BLK: variants seen among roughly 807,000 people sequenced by gnomAD.
BLK encodes BLK proto-oncogene, Src family tyrosine kinase, also known as tyrosine-protein kinase Blk.
In BLK, 64 loss-of-function variants were observed where a neutral mutation model predicts 61.8. The ratio of observed to expected loss-of-function variants is 1.03; its 90% CI spans 0.85 to 1.27. BLK has a LOEUF of 1.27. BLK is among the 50% of genes most tolerant of loss of function. The pLI, the probability that BLK is intolerant of heterozygous loss-of-function variation, is 0.00. For synonymous variants in BLK, 351 were observed against 272.0 expected (o/e 1.29, Z -2.86); for missense variants, 853 against 660.5 (o/e 1.29, Z -3.19).
chr8:11,503,770 C>T (rs1198157851), intron 1 of BLK, among the ~76,000 whole-genome samples: 1 of 152,118 alleles, frequency 6.6e-6, no homozygotes, highest in Non-Finnish European at 1.5e-5. Context: ...TCTTTCTTGC[C>T]TGGGCCTCAC....
intron 1 of BLK, among the ~76,000 whole-genome samples, chr8:11,500,335 A>C (rs920802220): frequency 2.6e-5 from 4 of 152,060 alleles, no homozygotes; most frequent in Admixed American, 2.6e-4. Context: ...CTAGGACTAC[A>C]GGTGTGCACC....
intron 1 of BLK, among the ~76,000 whole-genome samples, chr8:11,539,057 C>T: frequency 6.6e-6 from 1 of 151,976 alleles, no homozygotes; most frequent in East Asian, 1.9e-4. Flanking sequence ...GCACACACAC[C>T]GTTTTTTAAG....
chr8:11,545,966 G>C, intron 2 of BLK, 86 bp from the exon 3 acceptor site: 2 of 1,420,058 alleles, frequency 1.4e-6, no homozygotes, highest in Non-Finnish European at 2.0e-6. Flanking sequence ...GAGATACCCT[G>C]GCTGCCCGGC....
At chr8:11,499,616 G>C (rs28374288) in intron 1 of BLK, among the ~76,000 whole-genome samples, 4,547 of 152,204 alleles carry the variant, frequency 0.03, 124 homozygotes, top group African/African-American at 0.073. Context: ...TAAGCTGTTC[G>C]CATTCCACCC....
At chr8:11,559,762 G>A (rs1042131537) in intron 10 of BLK, 4 of 456,074 alleles carry the variant, frequency 8.8e-6, no homozygotes, top group African/African-American at 8.0e-5. Flanking sequence ...CCTCTGCCCA[G>A]GAAGCCTTGA....
chr8:11,526,492 G>T (rs958814654), intron 1 of BLK, among the ~76,000 whole-genome samples: 1 of 152,210 alleles, frequency 6.6e-6, no homozygotes, highest in African/African-American at 2.4e-5. Flanking sequence ...GCCAAGGCGG[G>T]TGGGTCACCT....
At position 11,543,363 on chromosome 8, in the gene BLK, C is replaced by T. The variant is rs1000470234; in HGVS notation, c.123+16C>T. On this transcript the variant is annotated intron_variant, in intron 2 of 12. Coordinates refer to ENST00000259089, the MANE Select transcript of BLK (RefSeq NM_001715.3). The stretch of plus-strand genomic sequence containing the variant: ...GCCGCCCCTGGTGAGTGATTGCCCA[C>T]CCCCACCAAGAGCAGATTACTTACT... 8.7e-6 allele frequency: 14 copies of T among 1,612,018 alleles called. No individual in the cohort carries two copies. Among genetic ancestry groups the T allele is most frequent in the Non-Finnish European group, 1.0e-5 (12 of 1,179,942 alleles).
At chr8:11,561,106 C>T (rs564839316) in intron 10 of BLK, 196 bp from the exon 11 acceptor site, 97 of 771,132 alleles carry the variant, frequency 1.3e-4, no homozygotes, top group African/African-American at 1.2e-3. Context: ...CTGATGCCCA[C>T]GTTGCTGCGT....
At chr8:11,556,577 C>T (rs1287333968) in intron 8 of BLK, 81 bp from the exon 9 acceptor site, 4 of 1,576,518 alleles carry the variant, frequency 2.5e-6, no homozygotes, top group Non-Finnish European at 3.5e-6. Flanking sequence ...CACCTGGGCA[C>T]TTACCCCGAT....
At chr8:11,498,788 A>G (rs1340820562) in intron 1 of BLK, among the ~76,000 whole-genome samples, 1 of 152,230 alleles carries the variant, frequency 6.6e-6, no homozygotes. Flanking sequence ...TTCATTGATA[A>G]TAGCACATCA....
At chr8:11,529,938 G>T (rs981664777) in intron 1 of BLK, among the ~76,000 whole-genome samples, 2 of 152,148 alleles carry the variant, frequency 1.3e-5, no homozygotes, top group Non-Finnish European at 2.9e-5. Flanking sequence ...AACCAAATAT[G>T]GGGTCATCAG....
chr8:11,525,654 A>T (rs1394909597), intron 1 of BLK, among the ~76,000 whole-genome samples: 2 of 152,244 alleles, frequency 1.3e-5, no homozygotes, highest in Non-Finnish European at 2.9e-5. Context: ...AACAGTCAGA[A>T]AAGGTATAAA....
At chr8:11,518,079 G>T (rs1262686304) in intron 1 of BLK, among the ~76,000 whole-genome samples, 1 of 152,196 alleles carries the variant, frequency 6.6e-6, no homozygotes, top group Admixed American at 6.5e-5. Flanking sequence ...AACCGAGGCT[G>T]GGAGGGGCGA....
intron 10 of BLK, 93 bp from the exon 11 acceptor site, chr8:11,561,209 C>T: frequency 6.6e-7 from 1 of 1,515,178 alleles, no homozygotes; most frequent in Non-Finnish European, 9.0e-7. Flanking sequence ...CCTTCCCCAG[C>T]AGCCCACAGG....
At chr8:11,533,972 T>A (rs548982569) in intron 1 of BLK, among the ~76,000 whole-genome samples, 1 of 152,228 alleles carries the variant, frequency 6.6e-6, no homozygotes, top group African/African-American at 2.4e-5. Context: ...TTTCAATCCT[T>A]GTCACAAGTC....
At position 11,563,938 on chromosome 8, in the gene BLK, C is replaced by T. The variant is rs748156361; in HGVS notation, c.1348C>T (p.Arg450Cys). 1.9e-6 allele frequency: 3 copies of T among 1,607,876 alleles called. No individual in the cohort carries two copies. Among genetic ancestry groups the T allele is most frequent in the African/African-American group, 2.7e-5 (2 of 74,898 alleles). ...CCCCGAGGTCATCCGCAACCTGGAGCGCGGCTACCGCATGCCGCGCCCCGA... is the reference window on the plus strand; with the variant it reads ...CCCCGAGGTCATCCGCAACCTGGAGTGCGGCTACCGCATGCCGCGCCCCGA... Reference protein sequence around the residue: ...SNPEVIRNLERGYRMPRPDTC... With the variant: ...SNPEVIRNLECGYRMPRPDTC... Residue 450 changes from arginine to cysteine, a missense_variant, in exon 13 of 13, where the codon CGC (arginine) becomes TGC (cysteine). Transcript: ENST00000259089.
At position 11,543,293 on chromosome 8, in the gene BLK, G is replaced by A. The variant is rs758680472; in HGVS notation, c.69G>A (p.Trp23Ter). 3.1e-6 allele frequency: 5 copies of A among 1,613,850 alleles called. No homozygotes were observed. The highest frequency in any genetic ancestry group is 1.7e-5 in the Admixed American group (1 of 60,016). The change falls in exon 2 of 13, where the codon TGG becomes TGA. Residue 23 changes from tryptophan to a stop codon, truncating the protein, a stop_gained. Coordinates refer to ENST00000259089, the MANE Select transcript of BLK (RefSeq NM_001715.3). LOFTEE classifies it high-confidence loss of function. ...KPIKEKDKGQWSPLKVSAQDK... is the reference protein window; with the variant it reads ...KPIKEKDKGQ The stretch of plus-strand genomic sequence containing the variant: ...TCAAAGAGAAGGACAAGGGCCAATG[G>A]AGCCCCCTGAAGGTCAGCGCCCAAG...
intron 2 of BLK, among the ~76,000 whole-genome samples, chr8:11,543,693 T>C (rs573265518): frequency 6.6e-6 from 1 of 152,338 alleles, no homozygotes; most frequent in East Asian, 1.9e-4. Context: ...GTCCCCTATG[T>C]GGCATTGCTG....
chr8:11,559,850 C>T (rs982104005), intron 10 of BLK: 6 of 456,036 alleles, frequency 1.3e-5, no homozygotes, highest in Non-Finnish European at 2.2e-5. Context: ...TTTCCCTGGA[C>T]AAGAAACTGC....
Sources: allele counts gnomAD v4.1 joint callset (sites outside exome capture counted in the v4.1 genomes callset), GRCh38; gene constraint gnomAD v4.1.1; transcripts MANE v1.5; gene names NCBI Gene and HGNC (gene_info 2026-07-23, HGNC 2026-07-21).